The following RPS3 variants were observed in gnomAD, a reference collection of about 807,000 sequenced individuals.
RPS3 encodes small ribosomal subunit protein uS3.
RPS3 carries 2 observed loss-of-function variants against 25.8 expected under a neutral mutation model. The ratio of observed to expected loss-of-function variants is 0.08; its 90% CI spans 0.03 to 0.24. The LOEUF (loss-of-function observed/expected upper bound fraction) is 0.24. Among genes scored for constraint, RPS3 ranks in the 10% least tolerant of loss-of-function variants. RPS3 has a pLI of 1.00. For missense variants in RPS3, 107 were observed against 307.1 expected, an observed-to-expected ratio of 0.35 and a Z score of 4.87; for synonymous variants, 114 against 114.2, an observed-to-expected ratio of 1.00 and a Z score of 0.01.
At chr11:75,402,232 G>T in intron 3 of RPS3, 120 bp from the exon 4 acceptor site, 2 of 1,458,080 alleles carry the variant, frequency 1.4e-6, no homozygotes, top group South Asian at 1.2e-5. Context: ...GGCAGCATGC[G>T]GCCCGTGGGT....
intron 4 of RPS3, 53 bp downstream of exon 4, chr11:75,402,499 T>A: frequency 6.5e-7 from 1 of 1,539,096 alleles, no homozygotes; most frequent in Non-Finnish European, 8.9e-7. Flanking sequence ...TCAACATACA[T>A]GTCTGCCATT....
rs201273793 is a variant in RPS3, at chr11:75,399,530, G to C, written c.-18G>C. The stretch of plus-strand genomic sequence containing the variant: ...CCGCGAGCCACTTCCTTTCCTTTCA[G>C]CGGAGCGCGGCGGCAAGATGGCAGT... On this transcript the variant is annotated 5_prime_UTR_variant, in exon 1 of 7. Transcript: ENST00000531188. 238 of 1,613,758 alleles carry C rather than the reference G, an allele frequency of 1.5e-4. No homozygotes were observed. The highest frequency in any genetic ancestry group is 1.7e-4 in the Non-Finnish European group (206 of 1,179,914).
At chr11:75,399,818 G>A (rs1282127841) in intron 1 of RPS3, 2 of 558,494 alleles carry the variant, frequency 3.6e-6, no homozygotes, top group Admixed American at 7.0e-5. Flanking sequence ...CTTCTGTCCC[G>A]GAGAAGGCGT....
At chr11:75,416,460 A>ATTT (rs1180090052) in intron 6 of RPS3, among the ~76,000 whole-genome samples, 1,465 of 132,784 alleles carry the variant, frequency 0.011, 70 homozygotes, top group African/African-American at 0.04. Flanking sequence ...GATTATTTCT[A>ATTT]TTTTTTTTTT....
At chr11:75,417,758 C>T (rs1948411379) in intron 6 of RPS3, among the ~76,000 whole-genome samples, 1 of 152,244 alleles carries the variant, frequency 6.6e-6, no homozygotes. Context: ...CCCAGAGTCA[C>T]AGCCCCAGGC....
chr11:75,413,164 C>A (rs1163449228), intron 6 of RPS3, among the ~76,000 whole-genome samples: 1 of 152,168 alleles, frequency 6.6e-6, no homozygotes, highest in Non-Finnish European at 1.5e-5. Flanking sequence ...AAATCAGCCC[C>A]TCTCCCACTG....
At chr11:75,405,471 T>A (rs760437109) in intron 6 of RPS3, 143 bp from the exon 7 acceptor site, 34 of 348,268 alleles carry the variant, frequency 9.8e-5, no homozygotes, top group Non-Finnish European at 1.6e-4. Context: ...TTTTTTTTTT[T>A]TATATGAAAA....
chr11:75,414,421 C>T (rs1948380679), intron 6 of RPS3, among the ~76,000 whole-genome samples: 2 of 152,168 alleles, frequency 1.3e-5, no homozygotes, highest in African/African-American at 4.8e-5. Context: ...ACCTTCCTGG[C>T]TAACACGGTG....
In RPS3 at chr11:75,404,796, C is replaced by A; in HGVS notation, c.663C>A (p.Thr221=). ...CCAAAGATGAGATACTGCCCACCACCCCCATCTCAGAACAGAAGGGTGGGA... is the reference window on the plus strand; with the variant it reads ...CCAAAGATGAGATACTGCCCACCACACCCATCTCAGAACAGAAGGGTGGGA... ...VEPKDEILPT[T]PISEQKGGKP... is the part of the protein sequence containing the mutation. The change falls in exon 6 of 7, where the codon ACC becomes ACA. Residue 221 remains threonine (T), a synonymous_variant. Coordinates refer to ENST00000531188, the MANE Select transcript of RPS3 (RefSeq NM_001005.5). This position sits in a 1 kb window ranked among gnomAD's most constrained non-coding sequence, Gnocchi z 4.6. The A allele has an allele frequency of 6.2e-7, 1 of 1,613,836 alleles. No homozygotes were observed. Among genetic ancestry groups the A allele is most frequent in the Non-Finnish European group, 8.5e-7 (1 of 1,179,948 alleles).
chr11:75,400,133 A>G (rs1042498284), intron 1 of RPS3, among the ~76,000 whole-genome samples: 11 of 152,210 alleles, frequency 7.2e-5, no homozygotes, highest in African/African-American at 2.2e-4. Flanking sequence ...CATTTCGTAT[A>G]TACACTTCGA....
At position 75,404,650 on chromosome 11, in the gene RPS3, T is replaced by C. The variant is rs757847807; in HGVS notation, c.539-22T>C. ...GGCCTTTGAGACCCCAGCTGTGTGC[T>C]AACAACTGTGGTGTCCTCTAGGTGT... On this transcript the variant is annotated intron_variant, in intron 5 of 6. Coordinates refer to ENST00000531188, the MANE Select transcript of RPS3 (RefSeq NM_001005.5). The surrounding 1 kb of genome is among the most constrained non-coding windows in gnomAD (Gnocchi z 4.6). The C allele has an allele frequency of 1.9e-6, 3 of 1,598,466 alleles. No homozygotes were observed. Among genetic ancestry groups the C allele is most frequent in the Admixed American group, 1.7e-5 (1 of 59,362 alleles).
At chr11:75,417,227 T>A (rs1948406566) in intron 6 of RPS3, among the ~76,000 whole-genome samples, 1 of 152,124 alleles carries the variant, frequency 6.6e-6, no homozygotes, top group Non-Finnish European at 1.5e-5. Flanking sequence ...CCCAGCACTT[T>A]GGGAGGCCGA....
intron 1 of RPS3, 44 bp downstream of exon 1, chr11:75,399,621 G>A (rs1463821695): frequency 6.3e-7 from 1 of 1,590,012 alleles, no homozygotes; most frequent in Admixed American, 1.7e-5. Flanking sequence ...GGCGCCGCGC[G>A]GGTCGAGGGC....
chr11:75,413,200 T>C (rs1449609640), intron 6 of RPS3, among the ~76,000 whole-genome samples: 1 of 152,030 alleles, frequency 6.6e-6, no homozygotes, highest in Non-Finnish European at 1.5e-5. Context: ...GCAGAGGCGC[T>C]CTCCACTGTG....
chr11:75,420,858 A>G (rs1948437541), intron 6 of RPS3, among the ~76,000 whole-genome samples: 1 of 151,970 alleles, frequency 6.6e-6, no homozygotes, highest in East Asian at 1.9e-4. Flanking sequence ...TTGAGGTTAT[A>G]AGGTGGGCCT....
chr11:75,402,087 A>G (rs1014245129), intron 3 of RPS3: 33 of 563,476 alleles, frequency 5.9e-5, no homozygotes, highest in Non-Finnish European at 9.2e-5. Context: ...TATGCTGTAT[A>G]TGATGGTGGT....
chr11:75,410,389 TG>T (rs1278571302), downstream of RPS3, among the ~76,000 whole-genome samples: 1 of 144,722 alleles, frequency 6.9e-6, no homozygotes, highest in African/African-American at 2.6e-5. Flanking sequence ...TCTCAGACGA[TG>T]GGCGGCCGGG....
chr11:75,402,662 G>T, intron 4 of RPS3: 2 of 412,024 alleles, frequency 4.9e-6, no homozygotes, highest in South Asian at 7.7e-5. Flanking sequence ...TCCTGTAATG[G>T]AGAAGTGTTC....
rs906105402 is a variant in RPS3 at position 75,400,444 on chromosome 11, G to A, written c.31-250G>A. The A allele has an allele frequency of 5.2e-6, 3 of 580,624 alleles. No individual in the cohort carries two copies. The African/African-American group carries it at 5.5e-5, about 11-fold the overall frequency. The allele number at this position is 580,624 out of a possible 1,614,324, so 36.0% of individuals were successfully genotyped here. On this transcript the variant is annotated intron_variant, in intron 1 of 6. Coordinates refer to ENST00000531188, the MANE Select transcript of RPS3 (RefSeq NM_001005.5). The stretch of plus-strand genomic sequence containing the variant: ...ACTTGGGGATGTTCTCTTTGCCCAG[G>A]TGGCCTACTCTGTGCTGCGTTCTGT...
Sources: allele counts gnomAD v4.1 joint callset (sites outside exome capture counted in the v4.1 genomes callset), GRCh38; gene constraint gnomAD v4.1.1; non-coding constraint Gnocchi (gnomAD v3.1); transcripts MANE v1.5; gene names NCBI Gene and HGNC (gene_info 2026-07-23, HGNC 2026-07-21).